The following LRRC3B variants were observed in gnomAD, a reference collection of about 807,000 sequenced individuals.
The protein encoded by LRRC3B is leucine-rich repeat-containing protein 3B.
Under a neutral mutation model 12.8 loss-of-function variants are expected in LRRC3B, and 2 were observed. That is an observed-to-expected ratio of 0.16 (90% CI 0.06 to 0.49). The LOEUF (loss-of-function observed/expected upper bound fraction) is 0.49. LRRC3B is among the 20% of genes least tolerant of loss of function. The pLI is 0.96. For synonymous variants in LRRC3B, 132 were observed against 122.0 expected (o/e 1.08, Z -0.54); for missense variants, 189 against 319.4 (o/e 0.59, Z 3.11).
At chr3:26,650,004 G>C (rs1380632469) in intron 1 of LRRC3B, among the ~76,000 whole-genome samples, 2 of 151,996 alleles carry the variant, frequency 1.3e-5, no homozygotes, top group Admixed American at 1.3e-4. Context: ...AAGTTTCATT[G>C]ACCACCTGTG....
At chr3:26,651,166 T>TA (rs200074715) in intron 1 of LRRC3B, among the ~76,000 whole-genome samples, 1,616 of 152,304 alleles carry the variant, frequency 0.011, 20 homozygotes, top group African/African-American at 0.036. Context: ...TGGGTGTAGT[T>TA]AAAAATGACT....
intron 1 of LRRC3B, among the ~76,000 whole-genome samples, chr3:26,668,747 T>C (rs1261732364): frequency 2.6e-5 from 4 of 152,222 alleles, no homozygotes; most frequent in African/African-American, 7.2e-5. Context: ...CAAATAAAGC[T>C]CCCTAAACCA....
chr3:26,705,319 G>A (rs528218195), intron 1 of LRRC3B, among the ~76,000 whole-genome samples: 2 of 152,026 alleles, frequency 1.3e-5, no homozygotes, highest in Admixed American at 1.3e-4. Context: ...TTGGGGTGCA[G>A]TGCATACTTA....
intron 1 of LRRC3B, among the ~76,000 whole-genome samples, chr3:26,646,274 G>A (rs1699141339): frequency 6.6e-6 from 1 of 152,078 alleles, no homozygotes; most frequent in African/African-American, 2.4e-5. Flanking sequence ...GCACCCCTCT[G>A]AATTATTATC....
At chr3:26,696,311 T>C (rs563583832) in intron 1 of LRRC3B, among the ~76,000 whole-genome samples, 1 of 152,350 alleles carries the variant, frequency 6.6e-6, no homozygotes, top group South Asian at 2.1e-4. Context: ...GTATGAATTA[T>C]GCATTTTTTT....
exon 1 of LRRC3B, chr3:26,622,957 G>A (rs1698545382): frequency 6.6e-6 from 1 of 151,646 alleles, no homozygotes; most frequent in Non-Finnish European, 1.5e-5. Context: ...CGGCCGCCCG[G>A]GGCCGCACCC....
intron 1 of LRRC3B, among the ~76,000 whole-genome samples, chr3:26,689,834 T>C (rs1700154599): frequency 6.6e-6 from 1 of 152,236 alleles, no homozygotes; most frequent in Non-Finnish European, 1.5e-5. Context: ...AACAGTCAGA[T>C]GGTCCGCAGG....
At chr3:26,652,332 C>T (rs1029807104) in intron 1 of LRRC3B, among the ~76,000 whole-genome samples, 6 of 152,218 alleles carry the variant, frequency 3.9e-5, no homozygotes, top group East Asian at 1.9e-4. Flanking sequence ...GATCCTCTCC[C>T]GTTCTCACAG....
At chr3:26,660,139 A>G (rs528190660) in intron 1 of LRRC3B, among the ~76,000 whole-genome samples, 1 of 152,316 alleles carries the variant, frequency 6.6e-6, no homozygotes, top group East Asian at 1.9e-4. Flanking sequence ...CTAAGATTTC[A>G]GAGGACCTGA....
At chr3:26,698,382 GTCTC>G (rs1700372132) in intron 1 of LRRC3B, among the ~76,000 whole-genome samples, 1 of 152,052 alleles carries the variant, frequency 6.6e-6, no homozygotes, top group Non-Finnish European at 1.5e-5. Flanking sequence ...CCTTGCACAT[GTCTC>G]ATAGGGCAGT....
intron 1 of LRRC3B, among the ~76,000 whole-genome samples, chr3:26,672,192 G>T (rs1699762983): frequency 6.6e-6 from 1 of 152,050 alleles, no homozygotes; most frequent in Non-Finnish European, 1.5e-5. Flanking sequence ...AAAAGGCAAA[G>T]CAGAAGATAT....
chr3:26,636,840 G>GCCTCCCTCCCTC (rs1301182993), intron 1 of LRRC3B, among the ~76,000 whole-genome samples: 5 of 43,084 alleles, frequency 1.2e-4, no homozygotes, highest in Admixed American at 5.0e-4. Context: ...CTCCCTCCCT[G>GCCTCCCTCCCTC]CCTCCCTCCC....
intron 1 of LRRC3B, among the ~76,000 whole-genome samples, chr3:26,643,302 G>A (rs1193241795): frequency 2.1e-5 from 3 of 139,708 alleles, no homozygotes; most frequent in Non-Finnish European, 4.8e-5. Context: ...ATATATATAT[G>A]TGGTTGTATG....
intron 1 of LRRC3B, among the ~76,000 whole-genome samples, chr3:26,684,235 T>C (rs2125443667): frequency 6.6e-6 from 1 of 152,348 alleles, no homozygotes; most frequent in Middle Eastern, 3.4e-3. Flanking sequence ...GGGGTGAAAG[T>C]AGATTGTATG....
chr3:26,668,514 A>G (rs1326917475), intron 1 of LRRC3B, among the ~76,000 whole-genome samples: 2 of 152,184 alleles, frequency 1.3e-5, no homozygotes, highest in Non-Finnish European at 2.9e-5. Flanking sequence ...ATAGTTTTCT[A>G]CATCACTGTG....
At chr3:26,638,101 A>G (rs1298191785) in intron 1 of LRRC3B, among the ~76,000 whole-genome samples, 4 of 152,178 alleles carry the variant, frequency 2.6e-5, no homozygotes, top group African/African-American at 9.6e-5. Context: ...TCCACAAAGC[A>G]TTGTAGATGT....
intron 1 of LRRC3B, among the ~76,000 whole-genome samples, chr3:26,695,812 G>A (rs1325429125): frequency 1.3e-5 from 2 of 152,168 alleles, no homozygotes; most frequent in African/African-American, 4.8e-5. Flanking sequence ...GGGAGCAAAA[G>A]GACTGAGACA....
intron 1 of LRRC3B, among the ~76,000 whole-genome samples, chr3:26,626,563 A>G (rs576190098): frequency 6.6e-6 from 1 of 152,314 alleles, no homozygotes; most frequent in East Asian, 1.9e-4. Flanking sequence ...TGGTACCATT[A>G]TACATAAATA....
chr3:26,675,841 CTTCTTA>C (rs1370220269), intron 1 of LRRC3B, among the ~76,000 whole-genome samples: 6 of 151,734 alleles, frequency 4.0e-5, no homozygotes, highest in African/African-American at 1.5e-4. Flanking sequence ...GAATGTTTAC[CTTCTTA>C]TTCTTTATGA....
Sources: gnomAD v4.1 joint callset for allele counts (sites outside exome capture counted in the v4.1 genomes callset) on GRCh38, gnomAD v4.1.1 for gene constraint, MANE v1.5 for transcripts, NCBI Gene and HGNC (gene_info 2026-07-23, HGNC 2026-07-21) for gene names.